NYAP2: variants seen among roughly 807,000 people sequenced by gnomAD.
The protein encoded by NYAP2 is neuronal tyrosine-phosphorylated phosphoinositide-3-kinase adaptor 2.
Under a neutral mutation model 50.4 loss-of-function variants are expected in NYAP2, and 23 were observed. The observed-to-expected ratio is 0.46, with a 90% CI of 0.33 to 0.65. The LOEUF (loss-of-function observed/expected upper bound fraction) is 0.65. Among genes scored for constraint, NYAP2 ranks in the 30% least tolerant of loss-of-function variants. The pLI is 0.02. For synonymous variants in NYAP2, 394 were observed against 365.2 expected, an observed-to-expected ratio of 1.08 and a Z score of -0.90; for missense variants, 885 against 861.0, an observed-to-expected ratio of 1.03 and a Z score of -0.35.
chr2:225,598,421 T>G (rs781548217), intron 5 of NYAP2, among the ~76,000 whole-genome samples: 1 of 152,228 alleles, frequency 6.6e-6, no homozygotes, highest in African/African-American at 2.4e-5. Flanking sequence ...GTTGAAGTAC[T>G]TAATATCAAA....
chr2:225,654,766 A>C (rs142412852), downstream of NYAP2, among the ~76,000 whole-genome samples: 2 of 152,192 alleles, frequency 1.3e-5, no homozygotes, highest in African/African-American at 4.8e-5. Flanking sequence ...GTGCTTGTCT[A>C]TGGAGGAATC....
intron 5 of NYAP2, among the ~76,000 whole-genome samples, chr2:225,608,403 C>T (rs1158058457): frequency 6.6e-6 from 1 of 152,082 alleles, no homozygotes; most frequent in Non-Finnish European, 1.5e-5. Context: ...GCCTCTCATA[C>T]ACCTCTCTTG....
At chr2:225,635,440 G>A (rs1693396843) in intron 6 of NYAP2, among the ~76,000 whole-genome samples, 1 of 152,124 alleles carries the variant, frequency 6.6e-6, no homozygotes, top group Non-Finnish European at 1.5e-5. Flanking sequence ...ATTAAAAAAT[G>A]CATGGAATGC....
chr2:225,641,239 G>A (rs965144622), intron 6 of NYAP2, among the ~76,000 whole-genome samples: 4 of 152,092 alleles, frequency 2.6e-5, no homozygotes, highest in African/African-American at 4.8e-5. Flanking sequence ...CAGTGTTCAC[G>A]AAGAATGCCC....
the NYAP2 span, among the ~76,000 whole-genome samples, chr2:225,665,578 T>C: frequency 6.6e-6 from 1 of 150,992 alleles, no homozygotes; most frequent in East Asian, 1.9e-4. Flanking sequence ...AGCTCCTTTT[T>C]TTTTTGAGAC....
chr2:225,579,356 G>C (rs16866652), intron 4 of NYAP2, among the ~76,000 whole-genome samples: 10 of 151,994 alleles, frequency 6.6e-5, no homozygotes, highest in Non-Finnish European at 1.2e-4. Flanking sequence ...TTTGTTTCCC[G>C]TGTCATACAA....
At chr2:225,404,870 T>C (rs1694914349) in intron 2 of NYAP2, among the ~76,000 whole-genome samples, 1 of 151,860 alleles carries the variant, frequency 6.6e-6, no homozygotes, top group South Asian at 2.1e-4. Flanking sequence ...AGAGGGAGGA[T>C]GTAAAGGTAT....
rs186798076 is a variant in NYAP2 at position 225,404,813 on chromosome 2, A to T, written c.-18+3770A>T. Among the ~76,000 whole-genome samples, 363 of 152,184 alleles carry T rather than the reference A, an allele frequency of 2.4e-3. 1 individual carries two copies. The highest frequency in any genetic ancestry group is 8.1e-3 in the African/African-American group (338 of 41,562). On this transcript the variant is annotated intron_variant, in intron 2 of 6. Coordinates refer to ENST00000636099, the Ensembl canonical transcript of NYAP2. ...ATACAGTAATCTAAAAACTTAAACA[A>T]AAAGAGTCTTTTGTGAATGCAGAAT...
At chr2:225,625,541 A>G (rs1350690964) in intron 5 of NYAP2, among the ~76,000 whole-genome samples, 1 of 152,150 alleles carries the variant, frequency 6.6e-6, no homozygotes, top group African/African-American at 2.4e-5. Context: ...AGTTACCAGG[A>G]GAGAGTAGAG....
intron 4 of NYAP2, among the ~76,000 whole-genome samples, chr2:225,518,991 C>T (rs1574655351): frequency 6.6e-6 from 1 of 151,872 alleles, no homozygotes; most frequent in African/African-American, 2.4e-5. Flanking sequence ...GAATCGAAGC[C>T]TGGGCGACTG....
chr2:225,539,899 G>T (rs1195611336), intron 4 of NYAP2, among the ~76,000 whole-genome samples: 1 of 152,128 alleles, frequency 6.6e-6, no homozygotes, highest in Non-Finnish European at 1.5e-5. Context: ...ACTCTTGAAT[G>T]CTTTGCTGCT....
At chr2:225,418,914 T>G (rs1245273926) in intron 3 of NYAP2, among the ~76,000 whole-genome samples, 2 of 152,212 alleles carry the variant, frequency 1.3e-5, no homozygotes, top group Non-Finnish European at 2.9e-5. Flanking sequence ...ATGAGATCTA[T>G]TCTCCTAACA....
chr2:225,419,475 G>A (rs1695181941), intron 3 of NYAP2, among the ~76,000 whole-genome samples: 1 of 152,112 alleles, frequency 6.6e-6, no homozygotes, highest in East Asian at 1.9e-4. Context: ...CATAGTAGTG[G>A]GAAAATCCTT....
chr2:225,480,849 G>A (rs1301365844), intron 3 of NYAP2, among the ~76,000 whole-genome samples: 7 of 151,978 alleles, frequency 4.6e-5, no homozygotes, highest in Non-Finnish European at 8.8e-5. Context: ...AAAAATAGTT[G>A]CTATACTTTA....
chr2:225,398,141 G>T (rs978135486), upstream of NYAP2, among the ~76,000 whole-genome samples: 1 of 151,820 alleles, frequency 6.6e-6, no homozygotes. Context: ...ACTTTGTTTG[G>T]ATTATTTTGG....
At position 225,636,053 on chromosome 2, in the gene NYAP2, G is replaced by A. The variant is rs1158426531; in HGVS notation, c.1828+8927G>A. Among the ~76,000 whole-genome samples, 4 of 152,200 alleles carry A rather than the reference G, an allele frequency of 2.6e-5. No homozygotes were observed. The East Asian group carries it at 5.8e-4, about 22-fold the overall frequency. ...TATACTTTGTGTTGTGCAGAGGGTG[G>A]GGAGGACAGGAATATATATAATGTA... On this transcript the variant is annotated intron_variant, in intron 6 of 6. Coordinates refer to ENST00000636099, the Ensembl canonical transcript of NYAP2.
intron 4 of NYAP2, among the ~76,000 whole-genome samples, chr2:225,545,892 G>T (rs1390892146): frequency 2.0e-5 from 3 of 152,138 alleles, no homozygotes; most frequent in Non-Finnish European, 4.4e-5. Context: ...CCCTACTCGT[G>T]TTAGGGAGCA....
At chr2:225,604,037 C>T (rs1484586331) in intron 5 of NYAP2, among the ~76,000 whole-genome samples, 1 of 152,044 alleles carries the variant, frequency 6.6e-6, no homozygotes, top group East Asian at 1.9e-4. Context: ...ACATCTAAGA[C>T]AAGTTCTATT....
chr2:225,534,130 A>G (rs1395293299), intron 4 of NYAP2, among the ~76,000 whole-genome samples: 1 of 152,220 alleles, frequency 6.6e-6, no homozygotes. Flanking sequence ...CAATTTGGAG[A>G]TGTTGAGAAA....
Sources: gnomAD v4.1 joint callset for allele counts (sites outside exome capture counted in the v4.1 genomes callset) on GRCh38, gnomAD v4.1.1 for gene constraint, MANE v1.5 for transcripts, NCBI Gene and HGNC (gene_info 2026-07-23, HGNC 2026-07-21) for gene names.